Variants in BCAS3 observed in about 807,000 individuals in gnomAD.
BCAS3 encodes the protein BCAS3 microtubule associated cell migration factor.
BCAS3 carries 53 observed loss-of-function variants against 116.1 expected under a neutral mutation model. The ratio of observed to expected loss-of-function variants is 0.46; its 90% CI spans 0.37 to 0.57. The LOEUF (loss-of-function observed/expected upper bound fraction) is 0.57. Ranked by LOEUF, BCAS3 falls within the 20% of genes least tolerant of loss-of-function variation. The pLI is 0.00. For synonymous variants in BCAS3, 391 were observed against 408.2 expected, an observed-to-expected ratio of 0.96 and a Z score of 0.51; for missense variants, 917 against 1,165.4, an observed-to-expected ratio of 0.79 and a Z score of 3.10.
chr17:61,388,821 G>C lies in BCAS3; in HGVS notation c.2594-3156G>C. 1 of 1,036,994 alleles carries C rather than the reference G, an allele frequency of 9.6e-7. No individual in the cohort carries two copies. Among genetic ancestry groups the C allele is most frequent in the Non-Finnish European group, 1.4e-6 (1 of 718,822 alleles). 64.2% of individuals were successfully genotyped at this position (1,036,994 alleles called of 1,614,324 possible). ...CCCTCCACTTCCCACACACACCCCT[G>C]CCTGCAGGGGGAGGAGCAGAAGGGG... On this transcript the variant is annotated intron_variant, in intron 23 of 23. Transcript: ENST00000407086. The surrounding 1 kb of genome is among the most constrained non-coding windows in gnomAD (Gnocchi z 6.5).
At chr17:60,820,791 A>G (rs1350373156) in intron 7 of BCAS3, among the ~76,000 whole-genome samples, 4 of 152,186 alleles carry the variant, frequency 2.6e-5, no homozygotes, top group African/African-American at 9.7e-5. Context: ...AACACTCTTT[A>G]AGCACTTTCA....
rs1235545900 is a variant in BCAS3 at position 61,114,932 on chromosome 17, G to A, written c.2425+30368G>A. ...ACAGAACAGAGCCCTCAGAAATAAC[G>A]CCTCATATCTACAACTATCTGATCT... On this transcript the variant is annotated intron_variant, in intron 22 of 23. Coordinates refer to ENST00000407086, the MANE Select transcript of BCAS3 (RefSeq NM_017679.5). 5.3e-5 allele frequency among the ~76,000 whole-genome samples: 8 copies of A among 151,990 alleles called. No homozygotes were observed. In the South Asian group the frequency reaches 1.0e-3, roughly 20 times the overall value.
chr17:60,793,525 A>G (rs1450278172), intron 6 of BCAS3, among the ~76,000 whole-genome samples: 1 of 152,132 alleles, frequency 6.6e-6, no homozygotes. Context: ...ACACTACACC[A>G]TATTTGCAGT....
intron 12 of BCAS3, among the ~76,000 whole-genome samples, chr17:60,915,645 T>G (rs1395624638): frequency 7.2e-6 from 1 of 138,896 alleles, no homozygotes; most frequent in Non-Finnish European, 1.5e-5. Context: ...GTCTTTGAAG[T>G]CCATTCAGGT....
chr17:60,780,887 T>C (rs977818303), intron 6 of BCAS3, among the ~76,000 whole-genome samples: 1 of 152,208 alleles, frequency 6.6e-6, no homozygotes, highest in Non-Finnish European at 1.5e-5. Context: ...TGTAGATATT[T>C]TGTTAGATGT....
chr17:61,102,988 C>G (rs536492999), intron 22 of BCAS3, among the ~76,000 whole-genome samples: 2 of 152,096 alleles, frequency 1.3e-5, no homozygotes, highest in Non-Finnish European at 2.9e-5. Context: ...GTTGAGAAAA[C>G]AGACTGAAAT....
rs2066239390 is a variant in BCAS3 at position 61,026,309 on chromosome 17, A to G, written c.1638-8357A>G. Among the ~76,000 whole-genome samples the G allele has an allele frequency of 6.6e-6, 1 of 152,078 alleles. No individual in the cohort carries two copies. The highest frequency in any genetic ancestry group is 2.1e-4 in the South Asian group (1 of 4,834). ...ATGGCCAAAAATAGAGAAAAATTAT[A>G]CTAGTTGTACTTAGTGTTTTTTCCT... On this transcript the variant is annotated intron_variant, in intron 16 of 23. Transcript: ENST00000407086. The surrounding 1 kb of genome is among the most constrained non-coding windows in gnomAD (Gnocchi z 5.0).
chr17:61,038,499 C>T (rs997912199), intron 18 of BCAS3, among the ~76,000 whole-genome samples: 8 of 151,800 alleles, frequency 5.3e-5, no homozygotes, highest in Admixed American at 3.3e-4. Flanking sequence ...GTGATCTGCC[C>T]GCCTCAGCCT....
intron 22 of BCAS3, among the ~76,000 whole-genome samples, chr17:61,335,665 T>G (rs1033805503): frequency 6.6e-6 from 1 of 152,080 alleles, no homozygotes; most frequent in African/African-American, 2.4e-5. Flanking sequence ...GGAGGATCGC[T>G]AGAGGCCAGA....
Position 61,026,787 on chromosome 17 carries a change from G to T in BCAS3, c.1638-7879G>T. ...TTATTTTTATCCATACTCTATAACAGTATGATATACTTGTATTTGCTAATG... is the reference window on the plus strand; with the variant it reads ...TTATTTTTATCCATACTCTATAACATTATGATATACTTGTATTTGCTAATG... On this transcript the variant is annotated intron_variant, in intron 16 of 23. Transcript: ENST00000407086. This position sits in a 1 kb window ranked among gnomAD's most constrained non-coding sequence, Gnocchi z 5.0. The T allele has an allele frequency of 7.7e-7, 1 of 1,299,290 alleles. No individual in the cohort carries two copies. The highest frequency in any genetic ancestry group is 1.1e-6 in the Non-Finnish European group (1 of 917,144). The allele number at this position is 1,299,290 out of a possible 1,614,324, so 80.5% of individuals were successfully genotyped here.
intron 7 of BCAS3, among the ~76,000 whole-genome samples, chr17:60,828,953 C>T (rs973374115): frequency 2.6e-5 from 4 of 152,030 alleles, no homozygotes; most frequent in African/African-American, 9.7e-5. Flanking sequence ...TGGTATCTAG[C>T]GTGTAGAGTC....
chr17:60,789,695 A>G (rs1476327302), intron 6 of BCAS3, among the ~76,000 whole-genome samples: 1 of 151,172 alleles, frequency 6.6e-6, no homozygotes, highest in Non-Finnish European at 1.5e-5. Context: ...GCAAATAAAC[A>G]CACAATTTTA....
intron 6 of BCAS3, among the ~76,000 whole-genome samples, chr17:60,750,966 A>G (rs2042404130): frequency 1.3e-5 from 2 of 152,216 alleles, no homozygotes; most frequent in Non-Finnish European, 1.5e-5. Context: ...AGTGTCTCAC[A>G]GAGTGCTTTA....
chr17:61,015,971 C>G (rs756100936), intron 16 of BCAS3, 70 bp downstream of exon 16: 1 of 1,455,938 alleles, frequency 6.9e-7, no homozygotes, highest in Non-Finnish European at 9.4e-7. Context: ...ATAAAACATA[C>G]TTTTTCTTTG....
chr17:60,696,770 A>G (rs1353035684), intron 4 of BCAS3, among the ~76,000 whole-genome samples: 3 of 152,080 alleles, frequency 2.0e-5, no homozygotes, highest in African/African-American at 7.2e-5. Flanking sequence ...CACTGACCCT[A>G]TTTACCTTTC....
At chr17:60,853,444 A>G (rs1185954723) in intron 7 of BCAS3, among the ~76,000 whole-genome samples, 1 of 152,218 alleles carries the variant, frequency 6.6e-6, no homozygotes, top group Non-Finnish European at 1.5e-5. Flanking sequence ...TTAAAAGTCT[A>G]TTTAGTAACT....
intron 23 of BCAS3, among the ~76,000 whole-genome samples, chr17:61,385,932 C>T (rs916055103): frequency 2.0e-5 from 3 of 152,154 alleles, no homozygotes; most frequent in Non-Finnish European, 2.9e-5. Flanking sequence ...TCCCAAGCTC[C>T]GGTGGAAGCC....
Position 61,323,176 on chromosome 17 carries a change from G to A in BCAS3, c.2426-45151G>A, listed in dbSNP as rs1013279710. ...CATCTTTTAGGCAGCTGATGACCACGGGCCAGATTGTTCATTTCACAAAGG... is the reference window on the plus strand; with the variant it reads ...CATCTTTTAGGCAGCTGATGACCACAGGCCAGATTGTTCATTTCACAAAGG... On this transcript the variant is annotated intron_variant, in intron 22 of 23. Transcript: ENST00000407086. This position sits in a 1 kb window ranked among gnomAD's most constrained non-coding sequence, Gnocchi z 4.6. 2.6e-5 allele frequency among the ~76,000 whole-genome samples: 4 copies of A among 152,166 alleles called. No individual in the cohort carries two copies. Among genetic ancestry groups the A allele is most frequent in the South Asian group, 2.1e-4 (1 of 4,822 alleles).
At chr17:60,825,187 G>T (rs1311995304) in intron 7 of BCAS3, among the ~76,000 whole-genome samples, 1 of 151,326 alleles carries the variant, frequency 6.6e-6, no homozygotes, top group Non-Finnish European at 1.5e-5. Context: ...AAAAAATTAG[G>T]TTGTGTTGCA....
Sources: allele counts gnomAD v4.1 joint callset (sites outside exome capture counted in the v4.1 genomes callset), GRCh38; gene constraint gnomAD v4.1.1; non-coding constraint Gnocchi (gnomAD v3.1); transcripts MANE v1.5; gene names NCBI Gene and HGNC (gene_info 2026-07-23, HGNC 2026-07-21).